SLC11A2: variants seen among roughly 807,000 people sequenced by gnomAD.
SLC11A2 encodes natural resistance-associated macrophage protein 2.
In SLC11A2, 38 loss-of-function variants were observed where a neutral mutation model predicts 68.0. The ratio of observed to expected loss-of-function variants is 0.56; its 90% CI spans 0.43 to 0.73. The LOEUF (loss-of-function observed/expected upper bound fraction) is 0.73. SLC11A2 is among the 30% of genes least tolerant of loss of function. The pLI is 0.00. For missense variants in SLC11A2, 517 were observed against 690.5 expected, an observed-to-expected ratio of 0.75 and a Z score of 2.82; for synonymous variants, 242 against 250.6, an observed-to-expected ratio of 0.97 and a Z score of 0.32.
At chr12:51,023,236 T>C (rs1481782517) in intron 1 of SLC11A2, among the ~76,000 whole-genome samples, 3 of 152,164 alleles carry the variant, frequency 2.0e-5, no homozygotes, top group Admixed American at 6.5e-5. Context: ...TGCTTGAACC[T>C]AGGAGTTCAA....
Position 51,018,413 on chromosome 12 carries a change from CAAAA to C in SLC11A2, c.-38-7651_-38-7648del, listed in dbSNP as rs906736347. Among the ~76,000 whole-genome samples the C allele has an allele frequency of 1.3e-4, 19 of 149,874 alleles. 1 individual carries two copies. The highest frequency in any genetic ancestry group is 4.0e-4 in the Admixed American group (6 of 15,022). On this transcript the variant is annotated intron_variant, in intron 1 of 15. Coordinates refer to ENST00000262052, the MANE Select transcript of SLC11A2 (RefSeq NM_000617.3). ...CATCTCAAAAAAAAAACAAAAAACA[CAAAA>C]CAGAAAACTGCCCCTAAGAAAGTTT...
the SLC11A2 span, chr12:50,961,171 A>ATCTTC: frequency 1.4e-6 from 2 of 1,459,774 alleles, no homozygotes; most frequent in Non-Finnish European, 1.9e-6. Context: ...TTATTCATTC[A>ATCTTC]TAGTAGAAGA....
intron 1 of SLC11A2, among the ~76,000 whole-genome samples, chr12:51,022,514 C>T (rs183750377): frequency 6.6e-6 from 1 of 150,850 alleles, no homozygotes; most frequent in Admixed American, 6.6e-5. Flanking sequence ...GTTTTGTCCT[C>T]ACACTTAAGT....
At chr12:51,016,033 T>G (rs1943623601) in intron 1 of SLC11A2, among the ~76,000 whole-genome samples, 3 of 151,902 alleles carry the variant, frequency 2.0e-5, no homozygotes, top group Non-Finnish European at 4.4e-5. Flanking sequence ...TCTGCCCACC[T>G]CAGCCTCCCA....
chr12:51,015,924 A>G (rs1943612193), intron 1 of SLC11A2, among the ~76,000 whole-genome samples: 1 of 152,194 alleles, frequency 6.6e-6, no homozygotes, highest in Admixed American at 6.5e-5. Flanking sequence ...AGCTGGGATT[A>G]CAGGCGCATG....
At chr12:51,011,361 C>T (rs983115675) in intron 1 of SLC11A2, among the ~76,000 whole-genome samples, 20 of 151,988 alleles carry the variant, frequency 1.3e-4, no homozygotes, top group African/African-American at 4.6e-4. Context: ...ATCTGCTGAC[C>T]TCGTGATCCG....
intron 5 of SLC11A2, 173 bp from the exon 6 acceptor site, chr12:51,000,592 T>C: frequency 1.6e-6 from 1 of 641,806 alleles, no homozygotes; most frequent in South Asian, 1.8e-5. Flanking sequence ...GCACTGTGGC[T>C]CTCACCTGGA....
At chr12:51,027,920 G>A (rs546089596), upstream of SLC11A2, among the ~76,000 whole-genome samples, 9 of 93,048 alleles carry the variant, frequency 9.7e-5, no homozygotes, top group African/African-American at 2.3e-4. Flanking sequence ...AAAAAAGTGG[G>A]GGGGGGGGGC....
intron 15 of SLC11A2, 48 bp from the exon 16 acceptor site, chr12:50,988,483 A>G: frequency 1.2e-6 from 2 of 1,612,342 alleles, no homozygotes; most frequent in Non-Finnish European, 1.7e-6. Flanking sequence ...TTGAAGAGCC[A>G]TGACTGCTCA....
the SLC11A2 span, among the ~76,000 whole-genome samples, chr12:50,968,130 A>T: frequency 6.7e-6 from 1 of 148,970 alleles, no homozygotes; most frequent in Non-Finnish European, 1.5e-5. Flanking sequence ...GAGGAGGAGA[A>T]TGAGGAGGAG....
the SLC11A2 span, among the ~76,000 whole-genome samples, chr12:50,965,192 C>T: frequency 6.6e-6 from 1 of 152,046 alleles, no homozygotes; most frequent in Non-Finnish European, 1.5e-5. Flanking sequence ...TGGCTCGCTA[C>T]AGCCCCAAAC....
chr12:50,953,867 G>A, the SLC11A2 span: 1 of 573,830 alleles, frequency 1.7e-6, no homozygotes, highest in African/African-American at 1.9e-5. Flanking sequence ...TGTTTCAGTT[G>A]AGCAGATAGG....
intron 15 of SLC11A2, among the ~76,000 whole-genome samples, chr12:50,990,233 G>C (rs1429574961): frequency 6.6e-6 from 1 of 152,134 alleles, no homozygotes; most frequent in Non-Finnish European, 1.5e-5. Context: ...TCCTTGGACA[G>C]CTAGTAAGTG....
Position 51,026,304 on chromosome 12 carries a change from C to A in SLC11A2, c.-39+6G>T. 11 of 1,260,770 alleles carry A rather than the reference C, an allele frequency of 8.7e-6. No homozygotes were observed. The highest frequency in any genetic ancestry group is 1.1e-5 in the Non-Finnish European group (11 of 965,408). The allele number at this position is 1,260,770 out of a possible 1,614,324, so 78.1% of individuals were successfully genotyped here. On this transcript the variant is annotated splice_donor_region_variant and intron_variant, in intron 1 of 15. Coordinates refer to ENST00000262052, the MANE Select transcript of SLC11A2 (RefSeq NM_000617.3). ...GCCGTGACCCCTGACCTTGCCTTCCCCTCACCTTACCAGCTCCGCAACCAC... is the reference window on the plus strand; with the variant it reads ...GCCGTGACCCCTGACCTTGCCTTCCACTCACCTTACCAGCTCCGCAACCAC...
chr12:50,997,723 C>T (rs1785769200), intron 8 of SLC11A2, among the ~76,000 whole-genome samples: 1 of 144,520 alleles, frequency 6.9e-6, no homozygotes, highest in African/African-American at 2.6e-5. Context: ...CATGGTGGCT[C>T]ACGCCTGTAA....
intron 11 of SLC11A2, 87 bp from the exon 12 acceptor site, chr12:50,993,016 C>A: frequency 6.5e-7 from 1 of 1,527,066 alleles, no homozygotes; most frequent in East Asian, 2.3e-5. Flanking sequence ...GGCATTTCTC[C>A]CTTCTTTGCT....
At chr12:51,011,370 C>T (rs904588466) in intron 1 of SLC11A2, among the ~76,000 whole-genome samples, 18 of 151,960 alleles carry the variant, frequency 1.2e-4, no homozygotes, top group Non-Finnish European at 1.2e-4. Context: ...CCTCGTGATC[C>T]GCCCGCCTCA....
chr12:51,019,019 T>C (rs1018070352), intron 1 of SLC11A2, among the ~76,000 whole-genome samples: 6 of 152,146 alleles, frequency 3.9e-5, no homozygotes, highest in African/African-American at 7.2e-5. Flanking sequence ...AAAACTTTCA[T>C]AGAAGCAGCC....
At chr12:51,004,699 C>T in intron 5 of SLC11A2, 89 bp downstream of exon 5, 3 of 1,472,668 alleles carry the variant, frequency 2.0e-6, no homozygotes, top group Non-Finnish European at 2.8e-6. Flanking sequence ...CCTTGACTGT[C>T]TCACTATAGA....
Sources: gnomAD v4.1 joint callset for allele counts (sites outside exome capture counted in the v4.1 genomes callset) on GRCh38, gnomAD v4.1.1 for gene constraint, MANE v1.5 for transcripts, NCBI Gene and HGNC (gene_info 2026-07-23, HGNC 2026-07-21) for gene names.